The following PLCB1 variants were observed in gnomAD, a reference collection of about 807,000 sequenced individuals.
PLCB1 encodes 1-phosphatidylinositol 4,5-bisphosphate phosphodiesterase beta-1.
In PLCB1, 46 loss-of-function variants were observed where a neutral mutation model predicts 161.8. The ratio of observed to expected loss-of-function variants is 0.28; its 90% confidence interval spans 0.22 to 0.36. The LOEUF is 0.36. Ranked by LOEUF, PLCB1 falls within the 10% of genes least tolerant of loss-of-function variation. PLCB1 has a pLI of 1.00. For synonymous variants in PLCB1, 517 were observed against 503.7 expected (o/e 1.03, Z -0.35); for missense variants, 1,016 against 1,472.5 (o/e 0.69, Z 5.07).
chr20:8,480,407 G>T (rs1568692277), intron 3 of PLCB1, among the ~76,000 whole-genome samples: 1 of 152,152 alleles, frequency 6.6e-6, no homozygotes, highest in Non-Finnish European at 1.5e-5. Flanking sequence ...TCCTGAAACT[G>T]GGGGGAGGAG....
intron 27 of PLCB1, among the ~76,000 whole-genome samples, chr20:8,781,983 A>G (rs543597633): frequency 1.6e-4 from 24 of 152,138 alleles, no homozygotes; most frequent in African/African-American, 5.8e-4. Context: ...TCAGGTGGCA[A>G]CTCCACATTG....
chr20:8,874,953 C>T (rs1156471091), intron 31 of PLCB1, among the ~76,000 whole-genome samples: 1 of 151,798 alleles, frequency 6.6e-6, no homozygotes, highest in East Asian at 1.9e-4. Context: ...GTCAATTTCT[C>T]AGAATGTTAT....
intron 3 of PLCB1, among the ~76,000 whole-genome samples, chr20:8,589,138 C>T (rs1389599643): frequency 1.3e-5 from 2 of 152,130 alleles, no homozygotes; most frequent in East Asian, 1.9e-4. Context: ...TGTCTTTGGG[C>T]TTAGTTGTGC....
intron 27 of PLCB1, among the ~76,000 whole-genome samples, chr20:8,775,724 A>G (rs1982909995): frequency 6.6e-6 from 1 of 152,218 alleles, no homozygotes. Flanking sequence ...TTGAGCATGA[A>G]TCAGAATCAC....
At chr20:8,234,597 A>G (rs1980227294) in intron 2 of PLCB1, among the ~76,000 whole-genome samples, 2 of 152,140 alleles carry the variant, frequency 1.3e-5, no homozygotes, top group Admixed American at 1.3e-4. Context: ...TGGATATAAT[A>G]TTTCAGAATG....
rs1257415082 is a variant in PLCB1, at chr20:8,325,402, T to C, written c.178-45980T>C. Among the ~76,000 whole-genome samples, 6 of 152,306 alleles carry C rather than the reference T, an allele frequency of 3.9e-5. No individual in the cohort carries two copies. In the East Asian group the frequency reaches 9.6e-4, roughly 24 times the overall value. The stretch of plus-strand genomic sequence containing the variant: ...CACTGGAAAATTTAAAATATTTTAA[T>C]AAGCAACATTTGTTTGGGAGAGATA... On this transcript the variant is annotated intron_variant, in intron 2 of 31. Transcript: ENST00000338037.
At chr20:8,662,519 T>A (rs1989704452) in intron 9 of PLCB1, among the ~76,000 whole-genome samples, 1 of 143,048 alleles carries the variant, frequency 7.0e-6, no homozygotes, top group South Asian at 2.1e-4. Context: ...AATATATAAT[T>A]TTTTATAATT....
At chr20:8,351,511 C>T (rs376679974) in intron 2 of PLCB1, among the ~76,000 whole-genome samples, 1 of 151,716 alleles carries the variant, frequency 6.6e-6, no homozygotes, top group Non-Finnish European at 1.5e-5. Context: ...AAATTTAAAA[C>T]TTTTGCTATG....
At chr20:8,647,996 C>T (rs1446267421) in intron 6 of PLCB1, 43 bp downstream of exon 6, 1 of 1,382,970 alleles carries the variant, frequency 7.2e-7, no homozygotes, top group Non-Finnish European at 9.9e-7. Flanking sequence ...TTATTTTCCT[C>T]AAAGATCTGA....
At chr20:8,400,135 A>G (rs1978484517) in intron 3 of PLCB1, among the ~76,000 whole-genome samples, 1 of 152,150 alleles carries the variant, frequency 6.6e-6, no homozygotes, top group South Asian at 2.1e-4. Context: ...TGGCATAGGG[A>G]AGTACCTTAG....
chr20:8,594,422 T>G (rs1042246638), intron 3 of PLCB1, among the ~76,000 whole-genome samples: 3 of 151,560 alleles, frequency 2.0e-5, no homozygotes, highest in African/African-American at 7.2e-5. Flanking sequence ...AACACTCATG[T>G]GCTTGCAAGT....
chr20:8,258,900 A>G (rs1981557985), intron 2 of PLCB1, among the ~76,000 whole-genome samples: 2 of 152,132 alleles, frequency 1.3e-5, no homozygotes, highest in Admixed American at 1.3e-4. Context: ...ATCCATCACC[A>G]AAGTCAAGAT....
chr20:8,662,069 T>TAA (rs1989657871), intron 9 of PLCB1, among the ~76,000 whole-genome samples: 2 of 1,788 alleles, frequency 1.1e-3, no homozygotes, highest in Non-Finnish European at 3.4e-3. Context: ...ATTTATTATA[T>TAA]TTATTATACA....
intron 2 of PLCB1, among the ~76,000 whole-genome samples, chr20:8,165,107 T>A (rs2051662363): frequency 6.6e-6 from 1 of 152,232 alleles, no homozygotes. Context: ...TTGTATAGTT[T>A]TCTAATCTGG....
chr20:8,649,587 T>C lies in PLCB1; in HGVS notation c.594+138T>C, dbSNP rs1216819058. 9.1e-6 allele frequency: 6 copies of C among 655,984 alleles called. No homozygotes were observed. In the Admixed American group the frequency reaches 1.5e-4, roughly 16 times the overall value. The allele number at this position is 655,984 out of a possible 1,614,324, so 40.6% of individuals were successfully genotyped here. ...AGAGCTTCCATGATTAATGGGTTAATGAATTAATGGATTATCATCGGAGAG... is the reference window on the plus strand; with the variant it reads ...AGAGCTTCCATGATTAATGGGTTAACGAATTAATGGATTATCATCGGAGAG... On this transcript the variant is annotated intron_variant, in intron 7 of 31. Transcript: ENST00000338037.
At chr20:8,851,322 T>G (rs2146301955) in intron 31 of PLCB1, among the ~76,000 whole-genome samples, 1 of 152,358 alleles carries the variant, frequency 6.6e-6, no homozygotes, top group African/African-American at 2.4e-5. Context: ...TCATTTGCAT[T>G]TAATAACTGC....
chr20:8,379,015 G>A (rs923699898), intron 3 of PLCB1, among the ~76,000 whole-genome samples: 6 of 151,930 alleles, frequency 3.9e-5, no homozygotes, highest in Non-Finnish European at 5.9e-5. Context: ...TACATGTGCA[G>A]AACATGCAGG....
intron 31 of PLCB1, among the ~76,000 whole-genome samples, chr20:8,868,488 A>G (rs1307710568): frequency 1.3e-5 from 2 of 152,226 alleles, no homozygotes; most frequent in African/African-American, 2.4e-5. Flanking sequence ...AGGAAAACAC[A>G]TTGGAATGTT....
intron 2 of PLCB1, among the ~76,000 whole-genome samples, chr20:8,307,622 G>A (rs1269077968): frequency 6.6e-6 from 1 of 151,814 alleles, no homozygotes; most frequent in African/African-American, 2.4e-5. Flanking sequence ...TAATTATGTT[G>A]TTAGTTAAGA....
Sources: gnomAD v4.1 joint callset for allele counts (sites outside exome capture counted in the v4.1 genomes callset) on GRCh38, gnomAD v4.1.1 for gene constraint, MANE v1.5 for transcripts, NCBI Gene and HGNC (gene_info 2026-07-23, HGNC 2026-07-21) for gene names.